Variants in TMEM131 observed in about 807,000 individuals in gnomAD.
TMEM131 encodes 2610524E03Rik.
In TMEM131, 66 loss-of-function variants were observed where a neutral mutation model predicts 211.6. The ratio of observed to expected loss-of-function variants is 0.31; its 90% CI spans 0.26 to 0.38. The LOEUF (loss-of-function observed/expected upper bound fraction) is 0.38. TMEM131 is among the 10% of genes least tolerant of loss of function. The pLI is 1.00. For synonymous variants in TMEM131, 844 were observed against 841.3 expected, an observed-to-expected ratio of 1.00 and a Z score of -0.06; for missense variants, 2,036 against 2,299.3, an observed-to-expected ratio of 0.89 and a Z score of 2.34.
At chr2:97,851,260 T>C (rs1273850923) in intron 5 of TMEM131, among the ~76,000 whole-genome samples, 1 of 152,096 alleles carries the variant, frequency 6.6e-6, no homozygotes. Flanking sequence ...AGGAGATACC[T>C]GAAATCTAAC....
chr2:97,953,490 A>G (rs1215269256), intron 1 of TMEM131, among the ~76,000 whole-genome samples: 3 of 152,234 alleles, frequency 2.0e-5, no homozygotes, highest in Non-Finnish European at 4.4e-5. Flanking sequence ...ATAAAAAAAT[A>G]CTGCTCCTAA....
intron 5 of TMEM131, among the ~76,000 whole-genome samples, chr2:97,847,631 C>T (rs963181789): frequency 5.3e-5 from 8 of 151,978 alleles, no homozygotes; most frequent in Admixed American, 3.3e-4. Context: ...GCAAGTGGAA[C>T]CAAAATTCAG....
chr2:97,766,620 A>T lies in TMEM131; in HGVS notation c.4449-18T>A. ...CTAATGAACTGAAAGACAATCAGGG[A>T]TGGAAAATACAAATTTATTCCTCTG... On this transcript the variant is annotated intron_variant, in intron 33 of 40. Coordinates refer to ENST00000186436, the MANE Select transcript of TMEM131 (RefSeq NM_015348.2). 1 of 1,612,458 alleles carries T rather than the reference A, an allele frequency of 6.2e-7. No homozygotes were observed.
chr2:97,938,057 C>G (rs537176537), intron 1 of TMEM131, among the ~76,000 whole-genome samples: 2 of 152,310 alleles, frequency 1.3e-5, no homozygotes, highest in Admixed American at 1.3e-4. Context: ...CAACCGGTAC[C>G]AGCCACCTGC....
chr2:97,985,877 C>T (rs2104661211), intron 1 of TMEM131, among the ~76,000 whole-genome samples: 1 of 150,886 alleles, frequency 6.6e-6, no homozygotes, highest in South Asian at 2.1e-4. Flanking sequence ...AAGATGGAAG[C>T]ACGGACATAA....
At chr2:97,830,479 C>T (rs1277766520) in intron 11 of TMEM131, among the ~76,000 whole-genome samples, 6 of 152,272 alleles carry the variant, frequency 3.9e-5, no homozygotes, top group African/African-American at 9.6e-5. Flanking sequence ...TGAAATTCAA[C>T]GGTCCGGAAC....
intron 2 of TMEM131, chr2:97,911,532 G>T: frequency 1.7e-6 from 1 of 579,594 alleles, no homozygotes; most frequent in Non-Finnish European, 2.2e-6. Context: ...AACTCAGGAC[G>T]TGTATCACTC....
At chr2:97,948,315 T>A (rs1678139989) in intron 1 of TMEM131, among the ~76,000 whole-genome samples, 1 of 152,138 alleles carries the variant, frequency 6.6e-6, no homozygotes, top group Non-Finnish European at 1.5e-5. Flanking sequence ...AAAGGACTTG[T>A]ATCCAGAATA....
intron 1 of TMEM131, among the ~76,000 whole-genome samples, chr2:97,931,093 T>C (rs1003604033): frequency 1.3e-5 from 2 of 151,898 alleles, no homozygotes; most frequent in African/African-American, 4.9e-5. Flanking sequence ...AGAATGCTCA[T>C]GACTAACAGC....
At chr2:97,895,671 A>G (rs1222650187) in intron 3 of TMEM131, among the ~76,000 whole-genome samples, 1 of 152,164 alleles carries the variant, frequency 6.6e-6, no homozygotes, top group Non-Finnish European at 1.5e-5. Context: ...TGTTTATAGT[A>G]TTCTCTGATG....
intron 4 of TMEM131, among the ~76,000 whole-genome samples, chr2:97,871,945 G>T (rs979852597): frequency 4.0e-4 from 61 of 151,970 alleles, no homozygotes; most frequent in African/African-American, 1.4e-3. Flanking sequence ...GGGGTCGGGG[G>T]GGGAGTGGAG....
Position 97,825,803 on chromosome 2 carries a change from G to C in TMEM131, c.1075-7082C>G, listed in dbSNP as rs1682355393. Among the ~76,000 whole-genome samples, 3 of 152,228 alleles carry C rather than the reference G, an allele frequency of 2.0e-5. No individual in the cohort carries two copies. In the South Asian group the frequency reaches 6.2e-4, roughly 31 times the overall value. ...CTGGCCTCACTGTTTATGAGTGGTT[G>C]TGGCAGTGGCCATCTTAGTGTCAGA... On this transcript the variant is annotated intron_variant, in intron 11 of 40. Transcript: ENST00000186436.
chr2:97,792,270 G>C (rs1680531356), intron 31 of TMEM131, 116 bp downstream of exon 31: 1 of 831,130 alleles, frequency 1.2e-6, no homozygotes, highest in Non-Finnish European at 1.8e-6. Context: ...ATAAATCTGA[G>C]CCAGAGGAAC....
intron 11 of TMEM131, among the ~76,000 whole-genome samples, chr2:97,831,512 A>T (rs1291851483): frequency 6.6e-6 from 1 of 152,138 alleles, no homozygotes; most frequent in African/African-American, 2.4e-5. Context: ...AAAGATACAC[A>T]CATAGGTAGG....
At chr2:97,815,693 T>C (rs1195476505) in intron 12 of TMEM131, among the ~76,000 whole-genome samples, 2 of 152,152 alleles carry the variant, frequency 1.3e-5, no homozygotes, top group Non-Finnish European at 2.9e-5. Context: ...CTGTAGGATG[T>C]TTAGCAGCAT....
intron 1 of TMEM131, among the ~76,000 whole-genome samples, chr2:97,976,582 C>G (rs999419318): frequency 6.6e-6 from 1 of 152,128 alleles, no homozygotes; most frequent in African/African-American, 2.4e-5. Context: ...CAGTTCCCCC[C>G]ACAAATTCAT....
Position 97,792,902 on chromosome 2 carries a change from T to G in TMEM131, c.3628A>C (p.Ser1210Arg). Reference protein sequence around the residue: ...GGSSSRPSAGSHKQCGPSVHP... With the variant: ...GGSSSRPSAGRHKQCGPSVHP... Reference sequence around the variant, plus strand: ...ACCGATGGGCCACACTGCTTATGACTCCCGGCACTGGGTCGGGATGATGAA... The same window carrying G: ...ACCGATGGGCCACACTGCTTATGACGCCCGGCACTGGGTCGGGATGATGAA... Residue 1210 changes from serine to arginine, a missense_variant, in exon 31 of 41, where the codon AGT becomes CGT. Physicochemically the swap from Ser to Arg is moderately radical, Grantham distance 110 (BLOSUM62 -1). Coordinates refer to ENST00000186436, the MANE Select transcript of TMEM131 (RefSeq NM_015348.2). 6.2e-7 allele frequency: 1 copy of G among 1,612,830 alleles called. No homozygotes were observed. The highest frequency in any genetic ancestry group is 1.7e-5 in the Admixed American group (1 of 59,962).
At chr2:97,832,681 A>G (rs1682763003) in intron 11 of TMEM131, among the ~76,000 whole-genome samples, 1 of 152,104 alleles carries the variant, frequency 6.6e-6, no homozygotes, top group Non-Finnish European at 1.5e-5. Flanking sequence ...AAAATGTCCT[A>G]TTTTCCTATA....
intron 31 of TMEM131, among the ~76,000 whole-genome samples, chr2:97,782,862 T>C (rs72946425): frequency 1.3e-5 from 2 of 150,910 alleles, no homozygotes; most frequent in African/African-American, 2.4e-5. Context: ...ATTTGTGTTA[T>C]CAAAGTCTCA....
Sources: allele counts gnomAD v4.1 joint callset (sites outside exome capture counted in the v4.1 genomes callset), GRCh38; gene constraint gnomAD v4.1.1; transcripts MANE v1.5; gene names NCBI Gene and HGNC (gene_info 2026-07-23, HGNC 2026-07-21).